The following MEGF11 variants were observed in gnomAD, a reference collection of about 807,000 sequenced individuals.
MEGF11 encodes multiple EGF like domains 11.
Under a neutral mutation model 146.6 loss-of-function variants are expected in MEGF11, and 126 were observed. The ratio of observed to expected loss-of-function variants is 0.86; its 90% CI spans 0.74 to 1.00. The LOEUF (loss-of-function observed/expected upper bound fraction) is 1.00. MEGF11 is among the 50% of genes least tolerant of loss of function. The pLI is 0.00. For synonymous variants in MEGF11, 532 were observed against 583.4 expected (o/e 0.91, Z 1.27); for missense variants, 1,509 against 1,521.2 (o/e 0.99, Z 0.13).
chr15:65,915,978 A>G (rs2078983986), intron 18 of MEGF11, among the ~76,000 whole-genome samples, 170 bp downstream of exon 18: 1 of 152,176 alleles, frequency 6.6e-6, no homozygotes, highest in Non-Finnish European at 1.5e-5. Context: ...TTCTTCAAAC[A>G]ATAATGTAGG....
intron 10 of MEGF11, among the ~76,000 whole-genome samples, chr15:65,933,850 T>TG (rs757725342): frequency 3.9e-5 from 6 of 152,204 alleles, no homozygotes; most frequent in Non-Finnish European, 7.3e-5. Context: ...ATCTGTTAAA[T>TG]GGGAATTAAA....
At chr15:66,215,208 T>A (rs573504125) in intron 1 of MEGF11, among the ~76,000 whole-genome samples, 1 of 152,256 alleles carries the variant, frequency 6.6e-6, no homozygotes, top group Admixed American at 6.5e-5. Context: ...CCCAGCATCT[T>A]TACCTTCCCT....
intron 15 of MEGF11, among the ~76,000 whole-genome samples, chr15:65,919,146 G>A (rs762235002): frequency 9.2e-5 from 14 of 152,210 alleles, no homozygotes; most frequent in Admixed American, 7.8e-4. Context: ...ACGGTGGGCC[G>A]CTAGTGGCTA....
intron 1 of MEGF11, among the ~76,000 whole-genome samples, chr15:66,147,353 A>G (rs984614826): frequency 3.3e-5 from 5 of 152,124 alleles, no homozygotes; most frequent in Admixed American, 2.0e-4. Flanking sequence ...TTCACTCAAG[A>G]CAGAAGTACC....
intron 1 of MEGF11, among the ~76,000 whole-genome samples, chr15:66,245,110 G>A (rs1293705351): frequency 2.0e-5 from 3 of 152,146 alleles, no homozygotes; most frequent in African/African-American, 7.2e-5. Flanking sequence ...GAGGATGCAG[G>A]ACTAACACTG....
At chr15:65,980,105 G>A (rs1453312378) in intron 7 of MEGF11, among the ~76,000 whole-genome samples, 4 of 152,232 alleles carry the variant, frequency 2.6e-5, no homozygotes, top group Admixed American at 2.0e-4. Flanking sequence ...CATACCTGCT[G>A]TTTCTCCTCC....
intron 1 of MEGF11, among the ~76,000 whole-genome samples, chr15:66,183,067 A>G (rs1220894256): frequency 6.6e-6 from 1 of 152,268 alleles, no homozygotes; most frequent in Non-Finnish European, 1.5e-5. Flanking sequence ...TTGTAGCACA[A>G]TAAAATGTAT....
intron 10 of MEGF11, among the ~76,000 whole-genome samples, chr15:65,939,398 G>C (rs2079899827): frequency 6.6e-6 from 1 of 151,988 alleles, no homozygotes; most frequent in African/African-American, 2.4e-5. Flanking sequence ...TGTTTCTTGA[G>C]CATCTATGAC....
chr15:65,955,779 T>G (rs1469391261), intron 10 of MEGF11, among the ~76,000 whole-genome samples: 103 of 10,176 alleles, frequency 0.01, 1 homozygote, highest in South Asian at 0.022. Flanking sequence ...TATATATATA[T>G]ATATATATAT....
chr15:66,126,099 C>T (rs1027717974), intron 2 of MEGF11, among the ~76,000 whole-genome samples: 8 of 152,132 alleles, frequency 5.3e-5, no homozygotes, highest in East Asian at 1.9e-4. Context: ...CTTTACTAGC[C>T]GGGAGAGGTC....
intron 5 of MEGF11, among the ~76,000 whole-genome samples, chr15:66,036,732 G>T (rs1226192478): frequency 2.0e-5 from 3 of 152,210 alleles, no homozygotes; most frequent in Non-Finnish European, 4.4e-5. Flanking sequence ...ATTGAGCAGG[G>T]AGCTGGGAGC....
intron 1 of MEGF11, among the ~76,000 whole-genome samples, chr15:66,222,784 G>GAA (rs1259111640): frequency 1.3e-5 from 2 of 152,190 alleles, no homozygotes; most frequent in Non-Finnish European, 2.9e-5. Flanking sequence ...AAACCACTTT[G>GAA]AGATAACTTC....
At chr15:66,020,037 G>A (rs1567204816) in intron 5 of MEGF11, among the ~76,000 whole-genome samples, 1 of 152,232 alleles carries the variant, frequency 6.6e-6, no homozygotes. Context: ...ACGGGCAGCT[G>A]TTGTTTTGTC....
intron 5 of MEGF11, among the ~76,000 whole-genome samples, chr15:66,049,397 A>T (rs540194713): frequency 2.6e-5 from 4 of 152,272 alleles, no homozygotes; most frequent in Non-Finnish European, 5.9e-5. Context: ...TAATTTACTG[A>T]TAGCAATTAG....
At chr15:65,919,069 A>T (rs1357703227) in intron 15 of MEGF11, among the ~76,000 whole-genome samples, 1 of 152,208 alleles carries the variant, frequency 6.6e-6, no homozygotes, top group Non-Finnish European at 1.5e-5. Flanking sequence ...CAGGTCTCTC[A>T]CATCTTGGGC....
At chr15:65,947,722 A>G (rs2080248631) in intron 10 of MEGF11, among the ~76,000 whole-genome samples, 1 of 152,228 alleles carries the variant, frequency 6.6e-6, no homozygotes. Context: ...ACTGGGAGCC[A>G]GCAGAAGCCC....
chr15:66,135,674 C>T (rs2088857619), intron 1 of MEGF11, among the ~76,000 whole-genome samples: 1 of 152,198 alleles, frequency 6.6e-6, no homozygotes, highest in Non-Finnish European at 1.5e-5. Flanking sequence ...TTCTAGATGC[C>T]TCTGGATCCA....
intron 5 of MEGF11, among the ~76,000 whole-genome samples, chr15:66,012,515 TTG>T (rs2082741221): frequency 6.6e-6 from 1 of 152,340 alleles, no homozygotes; most frequent in East Asian, 1.9e-4. Context: ...TTTGCTTAAT[TTG>T]TGTCAATCGA....
intron 5 of MEGF11, among the ~76,000 whole-genome samples, chr15:66,074,819 C>T (rs1311916838): frequency 6.6e-6 from 1 of 152,186 alleles, no homozygotes; most frequent in Non-Finnish European, 1.5e-5. Flanking sequence ...TTAACACTTG[C>T]TATTATCAGG....
Sources: gnomAD v4.1 joint callset for allele counts (sites outside exome capture counted in the v4.1 genomes callset) on GRCh38, gnomAD v4.1.1 for gene constraint, MANE v1.5 for transcripts, NCBI Gene and HGNC (gene_info 2026-07-23, HGNC 2026-07-21) for gene names.